Variants in ASIC2 observed in about 807,000 individuals in gnomAD.
The protein encoded by ASIC2 is acid-sensing ion channel 2.
ASIC2 carries 25 observed loss-of-function variants against 57.3 expected under a neutral mutation model. That is an observed-to-expected ratio of 0.44 (90% CI 0.32 to 0.61). The LOEUF (loss-of-function observed/expected upper bound fraction) is 0.61. Ranked by LOEUF, ASIC2 falls within the 20% of genes least tolerant of loss-of-function variation. The probability of loss-of-function intolerance (pLI) is 0.06; values close to 1 mark genes in which losing one functional copy is unlikely to be tolerated. For synonymous variants in ASIC2, 319 were observed against 307.5 expected (o/e 1.04, Z -0.39); for missense variants, 641 against 738.1 (o/e 0.87, Z 1.52).
Position 33,396,250 on chromosome 17 carries a change from C to T in ASIC2, c.556-284183G>A, listed in dbSNP as rs1384464978. ...TACTCAGTCCAAGTTCTCATTGCAG[C>T]ATCCAGGAGCAGATGCACCTCTGGC... On this transcript the variant is annotated intron_variant, in intron 1 of 9. Coordinates refer to the ASIC2 transcript ENST00000359872. Among the ~76,000 whole-genome samples the T allele has an allele frequency of 2.6e-5, 4 of 152,180 alleles. No homozygotes were observed. In the East Asian group the frequency reaches 7.7e-4, roughly 29 times the overall value.
chr17:33,238,997 C>T (rs975072974), intron 1 of ASIC2, among the ~76,000 whole-genome samples: 2 of 151,540 alleles, frequency 1.3e-5, no homozygotes, highest in Non-Finnish European at 2.9e-5. Flanking sequence ...GAGAGAGACT[C>T]TGTCTCAAAA....
chr17:33,720,538 T>A (rs1330419944), intron 1 of ASIC2, among the ~76,000 whole-genome samples: 1 of 152,170 alleles, frequency 6.6e-6, no homozygotes, highest in East Asian at 1.9e-4. Flanking sequence ...ATTTACTATA[T>A]AAAGGGTTCA....
At chr17:33,118,777 C>T (rs1036386374) in intron 1 of ASIC2, among the ~76,000 whole-genome samples, 1 of 152,066 alleles carries the variant, frequency 6.6e-6, no homozygotes, top group African/African-American at 2.4e-5. Flanking sequence ...ATGTCTTGAA[C>T]CTCTGCTTTT....
At chr17:33,147,589 C>T (rs1297320582) in intron 1 of ASIC2, among the ~76,000 whole-genome samples, 3 of 151,990 alleles carry the variant, frequency 2.0e-5, no homozygotes, top group Non-Finnish European at 2.9e-5. Flanking sequence ...CAGGATTGTC[C>T]TAGAGGGACT....
rs1169910370 is a variant in ASIC2 at position 34,140,603 on chromosome 17, A to G, written c.555+15375T>C. Among the ~76,000 whole-genome samples, 5 of 152,212 alleles carry G rather than the reference A, an allele frequency of 3.3e-5. No homozygotes were observed. In the East Asian group the frequency reaches 7.7e-4, roughly 23 times the overall value. On this transcript the variant is annotated intron_variant, in intron 1 of 9. Coordinates refer to the ASIC2 transcript ENST00000359872. ...TCTAGCTGCACAAGAAAGAAAAAAA[A>G]CTTTCAAAAAATACAGGGAAATGTC...
intron 1 of ASIC2, among the ~76,000 whole-genome samples, chr17:34,102,739 C>T (rs1055401990): frequency 1.3e-5 from 2 of 152,224 alleles, no homozygotes; most frequent in African/African-American, 4.8e-5. Context: ...AGTATTGGGG[C>T]TGTTTCCAGT....
intron 1 of ASIC2, among the ~76,000 whole-genome samples, chr17:33,805,283 C>T (rs895947374): frequency 3.3e-5 from 5 of 152,136 alleles, no homozygotes; most frequent in African/African-American, 1.2e-4. Flanking sequence ...GTGAGTTCTG[C>T]CATGTCTGTT....
At chr17:33,568,512 T>C (rs1402453057) in intron 1 of ASIC2, among the ~76,000 whole-genome samples, 1 of 152,132 alleles carries the variant, frequency 6.6e-6, no homozygotes, top group Non-Finnish European at 1.5e-5. Context: ...GTCCCTCTCA[T>C]TGGCCTGGTA....
At chr17:33,731,886 G>A (rs1455627916) in intron 1 of ASIC2, among the ~76,000 whole-genome samples, 1 of 152,198 alleles carries the variant, frequency 6.6e-6, no homozygotes, top group African/African-American at 2.4e-5. Flanking sequence ...TCACAAACTG[G>A]GGTGGGGTTG....
At chr17:33,887,310 G>C (rs1277006450) in intron 1 of ASIC2, among the ~76,000 whole-genome samples, 5 of 152,150 alleles carry the variant, frequency 3.3e-5, no homozygotes, top group African/African-American at 9.7e-5. Context: ...GTGGCTTACT[G>C]TCTAGAAGAG....
At chr17:33,498,664 G>A (rs1296341528) in intron 1 of ASIC2, among the ~76,000 whole-genome samples, 2 of 152,218 alleles carry the variant, frequency 1.3e-5, no homozygotes, top group Non-Finnish European at 2.9e-5. Context: ...TGGGCTCTGG[G>A]ATGTGGGAAG....
chr17:33,516,428 G>GTGTGTGTGTA (rs1914574322), intron 1 of ASIC2, among the ~76,000 whole-genome samples: 1 of 152,010 alleles, frequency 6.6e-6, no homozygotes, highest in Non-Finnish European at 1.5e-5. Flanking sequence ...GTGTGTGTGT[G>GTGTGTGTGTA]TATGGAGGAG....
intron 1 of ASIC2, among the ~76,000 whole-genome samples, chr17:33,272,683 T>TATCATCATCCACCATCATCACC (rs1904546594): frequency 6.6e-6 from 1 of 152,160 alleles, no homozygotes; most frequent in East Asian, 1.9e-4. Flanking sequence ...TTGTCATCAC[T>TATCATCATCCACCATCATCACC]ATCATCATCC....
intron 1 of ASIC2, among the ~76,000 whole-genome samples, chr17:33,909,757 G>A (rs958213106): frequency 5.9e-5 from 9 of 152,124 alleles, no homozygotes; most frequent in African/African-American, 2.2e-4. Flanking sequence ...ATAATTTGGG[G>A]GTGAGAAGAT....
intron 1 of ASIC2, among the ~76,000 whole-genome samples, chr17:34,116,058 G>A (rs1391584501): frequency 6.6e-6 from 1 of 152,160 alleles, no homozygotes; most frequent in Non-Finnish European, 1.5e-5. Context: ...CAAACCACTT[G>A]GTGTGAGAGA....
At chr17:33,610,054 G>GCGCGCGCACACACACA (rs375575593) in intron 1 of ASIC2, among the ~76,000 whole-genome samples, 17 of 144,846 alleles carry the variant, frequency 1.2e-4, no homozygotes, top group African/African-American at 4.2e-4. Context: ...GGACAGAGGC[G>GCGCGCGCACACACACA]CACACACACA....
At chr17:33,377,656 C>T (rs565755132) in intron 1 of ASIC2, among the ~76,000 whole-genome samples, 3 of 152,332 alleles carry the variant, frequency 2.0e-5, no homozygotes, top group African/African-American at 7.2e-5. Context: ...AGTCCTTTTC[C>T]ATGCATTCTG....
At chr17:33,941,918 C>T (rs117258203) in intron 1 of ASIC2, among the ~76,000 whole-genome samples, 2,704 of 152,212 alleles carry the variant, frequency 0.018, 30 homozygotes, top group Middle Eastern at 0.044. Flanking sequence ...ACTACCACCC[C>T]GGGGCAACTC....
chr17:33,693,663 G>A (rs572262513), intron 1 of ASIC2, among the ~76,000 whole-genome samples: 19 of 152,320 alleles, frequency 1.2e-4, no homozygotes, highest in African/African-American at 4.6e-4. Flanking sequence ...GAAGAGGGGT[G>A]TCAAAGGAAA....
Sources: allele counts gnomAD v4.1 joint callset (sites outside exome capture counted in the v4.1 genomes callset), GRCh38; gene constraint gnomAD v4.1.1; transcripts MANE v1.5; gene names NCBI Gene and HGNC (gene_info 2026-07-23, HGNC 2026-07-21).